The following GNG7 variants were observed in gnomAD, a reference collection of about 807,000 sequenced individuals.
GNG7 encodes the protein guanine nucleotide-binding protein G(I)/G(S)/G(O) subunit gamma-7.
In GNG7, 1 loss-of-function variant was observed where a neutral mutation model predicts 4.0. That is an observed-to-expected ratio of 0.25 (90% CI 0.09 to 1.18). The LOEUF is 1.18. Ranked by LOEUF, GNG7 falls within the 50% of genes most tolerant of loss-of-function variation. The probability of loss-of-function intolerance (pLI) is 0.50; values close to 1 mark genes in which losing one functional copy is unlikely to be tolerated. For synonymous variants in GNG7, 34 were observed against 36.9 expected (o/e 0.92, Z 0.29); for missense variants, 86 against 91.9 (o/e 0.94, Z 0.26).
chr19:2,676,323 C>A (rs1465430373), intron 1 of GNG7, among the ~76,000 whole-genome samples: 1 of 152,186 alleles, frequency 6.6e-6, no homozygotes, highest in African/African-American at 2.4e-5. Context: ...CAGAGACCCT[C>A]CCCTAGGCAC....
At chr19:2,667,333 A>T (rs1416859017) in intron 1 of GNG7, among the ~76,000 whole-genome samples, 1 of 151,982 alleles carries the variant, frequency 6.6e-6, no homozygotes, top group Non-Finnish European at 1.5e-5. Context: ...AAAAACAAAC[A>T]AACAAACAAC....
At chr19:2,692,094 A>G (rs932297383) in intron 1 of GNG7, among the ~76,000 whole-genome samples, 9 of 152,098 alleles carry the variant, frequency 5.9e-5, no homozygotes, top group African/African-American at 2.2e-4. Flanking sequence ...ATGAGACAAT[A>G]CATTTCTGTT....
At chr19:2,682,701 G>T (rs556142111) in intron 1 of GNG7, among the ~76,000 whole-genome samples, 1 of 150,358 alleles carries the variant, frequency 6.7e-6, no homozygotes, top group Non-Finnish European at 1.5e-5. Flanking sequence ...AGGGAGGCAG[G>T]GGTCATCCCT....
intron 3 of GNG7, among the ~76,000 whole-genome samples, chr19:2,540,088 CTG>C (rs1555692034): frequency 3.8e-5 from 5 of 130,778 alleles, no homozygotes; most frequent in Admixed American, 1.7e-4. Flanking sequence ...CTCTCTCTCT[CTG>C]TTTCTTTCTC....
intron 3 of GNG7, among the ~76,000 whole-genome samples, chr19:2,551,414 G>A (rs538295356): frequency 4.6e-5 from 7 of 152,126 alleles, no homozygotes; most frequent in South Asian, 2.1e-4. Flanking sequence ...TGTGGGGGCC[G>A]GGACTAGGGT....
chr19:2,547,071 C>A (rs1979152276), intron 3 of GNG7, among the ~76,000 whole-genome samples: 1 of 147,804 alleles, frequency 6.8e-6, no homozygotes, highest in Non-Finnish European at 1.5e-5. Flanking sequence ...TTTCTCCACG[C>A]ATGCCCCCCC....
chr19:2,542,953 C>T (rs1206486284), intron 3 of GNG7, among the ~76,000 whole-genome samples: 1 of 150,124 alleles, frequency 6.7e-6, no homozygotes. Context: ...CGCTCTGTCA[C>T]CCAGGCTGGA....
chr19:2,689,637 A>C (rs1285300063), intron 1 of GNG7, among the ~76,000 whole-genome samples: 1 of 151,158 alleles, frequency 6.6e-6, no homozygotes, highest in African/African-American at 2.4e-5. Context: ...AAAAAAAAAA[A>C]AAAAAAAAAA....
At chr19:2,652,981 G>T (rs538375073) in intron 1 of GNG7, among the ~76,000 whole-genome samples, 38 of 151,978 alleles carry the variant, frequency 2.5e-4, no homozygotes, top group African/African-American at 8.9e-4. Flanking sequence ...TTAAAAATTT[G>T]CTGGGCATGG....
chr19:2,527,597 T>C (rs983152696), intron 3 of GNG7, among the ~76,000 whole-genome samples: 31 of 152,136 alleles, frequency 2.0e-4, no homozygotes, highest in African/African-American at 7.2e-4. Context: ...GTCTGCAAAA[T>C]GGGCTGAACT....
chr19:2,616,766 C>T (rs1457907250), intron 2 of GNG7, among the ~76,000 whole-genome samples: 1 of 151,586 alleles, frequency 6.6e-6, no homozygotes. Context: ...AGCAAAACCC[C>T]ATCTCAAAAA....
At position 2,546,127 on chromosome 19, in the gene GNG7, A is replaced by G. The variant is rs2144752213; in HGVS notation, c.-38+9022T>C. Among the ~76,000 whole-genome samples the G allele has an allele frequency of 6.6e-6, 1 of 152,322 alleles. No individual in the cohort carries two copies. The highest frequency in any genetic ancestry group is 1.9e-4 in the East Asian group (1 of 5,184). ...CACGGCCTGCCATGTTCTCACCAGG[A>G]CGCCAAAGAGGGGACCCACGCAGAG... is the stretch of plus-strand genomic sequence containing the variant. On this transcript the variant is annotated intron_variant, in intron 3 of 4. Transcript: ENST00000382159. The surrounding 1 kb of genome is among the most constrained non-coding windows in gnomAD (Gnocchi z 6.3).
intron 3 of GNG7, among the ~76,000 whole-genome samples, chr19:2,549,119 C>A (rs980941144): frequency 6.6e-6 from 1 of 152,116 alleles, no homozygotes; most frequent in African/African-American, 2.4e-5. Flanking sequence ...ACTGTCAGGA[C>A]CCCCGGAGAG....
chr19:2,662,213 T>C (rs894453556), intron 1 of GNG7, among the ~76,000 whole-genome samples: 3 of 149,332 alleles, frequency 2.0e-5, no homozygotes, highest in African/African-American at 5.0e-5. Context: ...TGAGCAGAGA[T>C]TGCACCATTG....
intron 2 of GNG7, among the ~76,000 whole-genome samples, chr19:2,594,398 A>AGG (rs1568256131): frequency 1.5e-4 from 15 of 98,812 alleles, no homozygotes; most frequent in African/African-American, 6.1e-4. Flanking sequence ...AAGGAAAGAA[A>AGG]GAAGGAGGGA....
intron 3 of GNG7, among the ~76,000 whole-genome samples, chr19:2,548,449 C>T (rs969735901): frequency 1.4e-5 from 2 of 144,428 alleles, no homozygotes; most frequent in Admixed American, 7.0e-5. Flanking sequence ...CCATTGCACT[C>T]CAGCCCGGGC....
rs1033986871 is a variant in GNG7, at chr19:2,660,375, T to C, written c.-134-14095A>G. Reference sequence around the variant, plus strand: ...GGGTTGATGCTGTGGGTAAGACCTTTTCATCCTCCTGCTCCAAAACCACAG... The same window carrying C: ...GGGTTGATGCTGTGGGTAAGACCTTCTCATCCTCCTGCTCCAAAACCACAG... On this transcript the variant is annotated intron_variant, in intron 1 of 4. Coordinates refer to ENST00000382159, the MANE Select transcript of GNG7 (RefSeq NM_052847.3). Among the ~76,000 whole-genome samples, 3 of 152,184 alleles carry C rather than the reference T, an allele frequency of 2.0e-5. No individual in the cohort carries two copies. In the East Asian group the frequency reaches 5.8e-4, roughly 29 times the overall value.
intron 2 of GNG7, among the ~76,000 whole-genome samples, chr19:2,567,255 T>C (rs1288446521): frequency 1.3e-5 from 2 of 151,826 alleles, no homozygotes; most frequent in African/African-American, 4.8e-5. Flanking sequence ...GGGTTGGCCG[T>C]GATCATTCCT....
At chr19:2,521,387 C>T (rs2144728611) in intron 3 of GNG7, among the ~76,000 whole-genome samples, 1 of 152,290 alleles carries the variant, frequency 6.6e-6, no homozygotes, top group East Asian at 1.9e-4. Context: ...GGGTTCTTGC[C>T]CTCCAGGGGA....
Sources: gnomAD v4.1 joint callset for allele counts (sites outside exome capture counted in the v4.1 genomes callset) on GRCh38, gnomAD v4.1.1 for gene constraint, Gnocchi (gnomAD v3.1) non-coding constraint, MANE v1.5 for transcripts, NCBI Gene and HGNC (gene_info 2026-07-23, HGNC 2026-07-21) for gene names.